The following ARNT2 variants were observed in gnomAD, a reference collection of about 807,000 sequenced individuals.
The protein encoded by ARNT2 is ARNT protein 2.
In ARNT2, 36 loss-of-function variants were observed where a neutral mutation model predicts 91.7. The ratio of observed to expected loss-of-function variants is 0.39; its 90% CI spans 0.30 to 0.52. The LOEUF (loss-of-function observed/expected upper bound fraction) is 0.52, where lower values mean the gene tolerates loss of function less well. Among genes scored for constraint, ARNT2 ranks in the 20% least tolerant of loss-of-function variants. The probability of loss-of-function intolerance (pLI) is 0.72; values close to 1 mark genes in which losing one functional copy is unlikely to be tolerated. For missense variants in ARNT2, 775 were observed against 939.3 expected (o/e 0.83, Z 2.29); for synonymous variants, 365 against 347.1 (o/e 1.05, Z -0.57).
chr15:80,504,990 C>T (rs773340764), intron 5 of ARNT2, among the ~76,000 whole-genome samples: 29 of 151,998 alleles, frequency 1.9e-4, no homozygotes, highest in South Asian at 2.1e-4. Context: ...TACTGGTCTG[C>T]GGGACTTGGA....
At chr15:80,431,363 AC>A (rs1041679485) in intron 1 of ARNT2, among the ~76,000 whole-genome samples, 4 of 151,598 alleles carry the variant, frequency 2.6e-5, no homozygotes, top group Non-Finnish European at 2.9e-5. Flanking sequence ...GATCAGATCC[AC>A]CCCCTCCCAT....
At chr15:80,463,013 C>A (rs1224418136) in intron 3 of ARNT2, among the ~76,000 whole-genome samples, 1 of 152,136 alleles carries the variant, frequency 6.6e-6, no homozygotes, top group Non-Finnish European at 1.5e-5. Context: ...GACCAAAACT[C>A]TGTTGATAAG....
chr15:80,466,098 G>A (rs972765053), intron 3 of ARNT2, among the ~76,000 whole-genome samples: 3 of 152,216 alleles, frequency 2.0e-5, no homozygotes, highest in Non-Finnish European at 4.4e-5. Flanking sequence ...CTTGCTCCGG[G>A]TCTAAGGTTC....
At chr15:80,567,059 G>T (rs1464698126) in intron 12 of ARNT2, among the ~76,000 whole-genome samples, 1 of 152,158 alleles carries the variant, frequency 6.6e-6, no homozygotes, top group Non-Finnish European at 1.5e-5. Flanking sequence ...CTCATGTGTG[G>T]CCCGGCCTTG....
At chr15:80,477,968 G>A (rs1896832027) in intron 5 of ARNT2, among the ~76,000 whole-genome samples, 1 of 152,198 alleles carries the variant, frequency 6.6e-6, no homozygotes, top group Non-Finnish European at 1.5e-5. Flanking sequence ...TGTAAAGACA[G>A]TGTCTTTTTC....
At chr15:80,435,431 G>A (rs534022690) in intron 1 of ARNT2, among the ~76,000 whole-genome samples, 5 of 152,166 alleles carry the variant, frequency 3.3e-5, no homozygotes, top group Non-Finnish European at 7.4e-5. Flanking sequence ...GTCCGTTGCT[G>A]CTGAGCGGAG....
intron 8 of ARNT2, among the ~76,000 whole-genome samples, chr15:80,547,301 C>A (rs965635088): frequency 2.0e-5 from 3 of 152,064 alleles, no homozygotes; most frequent in Admixed American, 6.5e-5. Context: ...TCCTGGTGGT[C>A]ATTGTATTCT....
At chr15:80,492,608 G>A (rs1566986459) in intron 5 of ARNT2, among the ~76,000 whole-genome samples, 1 of 152,140 alleles carries the variant, frequency 6.6e-6, no homozygotes, top group African/African-American at 2.4e-5. Flanking sequence ...AAATTCCTGT[G>A]ATGGATTGCC....
At chr15:80,512,616 G>GAATA (rs1393083059) in intron 6 of ARNT2, among the ~76,000 whole-genome samples, 1 of 152,198 alleles carries the variant, frequency 6.6e-6, no homozygotes, top group Non-Finnish European at 1.5e-5. Flanking sequence ...GTGCTTCTGT[G>GAATA]AATAAATGCC....
intron 3 of ARNT2, among the ~76,000 whole-genome samples, chr15:80,465,171 G>T (rs1399271824): frequency 6.6e-6 from 1 of 152,188 alleles, no homozygotes; most frequent in Non-Finnish European, 1.5e-5. Flanking sequence ...TTGGTGAATT[G>T]TCCAAGAGCA....
chr15:80,472,323 A>G (rs1253889756), intron 4 of ARNT2, among the ~76,000 whole-genome samples: 1 of 152,198 alleles, frequency 6.6e-6, no homozygotes, highest in African/African-American at 2.4e-5. Context: ...GCCACAAAAA[A>G]TACCTAGAAA....
In ARNT2 at chr15:80,593,865, T is replaced by G; in HGVS notation, c.*167T>G. ...GGCGCATCATTGCTCCACTCTCCCC[T>G]GCAGCCGCGGCTGCTCGGCCACTGA... is the stretch of plus-strand genomic sequence containing the variant. On this transcript the variant is annotated 3_prime_UTR_variant, in exon 19 of 19. Transcript: ENST00000303329. 12 of 612,856 alleles carry G rather than the reference T, an allele frequency of 2.0e-5. No individual in the cohort carries two copies. Among genetic ancestry groups the G allele is most frequent in the Middle Eastern group, 4.3e-4 (1 of 2,326 alleles). The allele number at this position is 612,856 out of a possible 1,614,324, so 38.0% of individuals were successfully genotyped here. A position where few individuals can be genotyped will look rare whatever the true frequency, so the allele number is the denominator to read the frequency against.
chr15:80,505,218 G>T (rs1315889030), intron 5 of ARNT2, among the ~76,000 whole-genome samples: 1 of 152,180 alleles, frequency 6.6e-6, no homozygotes, highest in Non-Finnish European at 1.5e-5. Context: ...TGAGTGACTG[G>T]CGTCACATAA....
At chr15:80,497,841 G>A (rs1215981981) in intron 5 of ARNT2, among the ~76,000 whole-genome samples, 2 of 152,232 alleles carry the variant, frequency 1.3e-5, no homozygotes, top group Non-Finnish European at 2.9e-5. Flanking sequence ...TACTCAGCAA[G>A]TGAGGAAGAA....
At chr15:80,483,770 C>T (rs1389156988) in intron 5 of ARNT2, among the ~76,000 whole-genome samples, 1 of 152,236 alleles carries the variant, frequency 6.6e-6, no homozygotes, top group Non-Finnish European at 1.5e-5. Flanking sequence ...CAGCGTGCAC[C>T]TCCTGGAACG....
chr15:80,441,670 C>T (rs1896192160), intron 1 of ARNT2, among the ~76,000 whole-genome samples: 1 of 152,064 alleles, frequency 6.6e-6, no homozygotes, highest in Non-Finnish European at 1.5e-5. Context: ...TTTCCATTTC[C>T]TCCTGTTCCT....
chr15:80,470,389 G>A lies in ARNT2; in HGVS notation c.366G>A (p.Lys122=). ...HMKSMRGTGN[K]STDGAYKPSF... is the part of the protein sequence containing the mutation. ...AGTCCATGAGGGGTACAGGGAACAA[G>A]TCCACCGATGGCGCGTACAAGCCTT... The change falls in exon 4 of 19, where the codon AAG becomes AAA. Residue 122 remains lysine, a synonymous_variant. Coordinates refer to ENST00000303329, the MANE Select transcript of ARNT2 (RefSeq NM_014862.4). The A allele has an allele frequency of 1.2e-6, 2 of 1,614,204 alleles. No individual in the cohort carries two copies. The highest frequency in any genetic ancestry group is 8.5e-7 in the Non-Finnish European group (1 of 1,180,038).
intron 1 of ARNT2, among the ~76,000 whole-genome samples, chr15:80,423,313 G>T (rs962861918): frequency 6.6e-6 from 1 of 152,186 alleles, no homozygotes; most frequent in Admixed American, 6.5e-5. Context: ...AAGAGTTGAG[G>T]ACTGATGCTC....
intron 1 of ARNT2, among the ~76,000 whole-genome samples, chr15:80,412,712 G>A (rs1055557181): frequency 2.6e-5 from 4 of 152,162 alleles, no homozygotes; most frequent in Non-Finnish European, 4.4e-5. Flanking sequence ...TGCCAGAATT[G>A]TACACACCAT....
Sources: allele counts gnomAD v4.1 joint callset (sites outside exome capture counted in the v4.1 genomes callset), GRCh38; gene constraint gnomAD v4.1.1; transcripts MANE v1.5; gene names NCBI Gene and HGNC (gene_info 2026-07-23, HGNC 2026-07-21).